Variants in RPRD1A observed in about 807,000 individuals in gnomAD.
RPRD1A encodes the protein regulation of nuclear pre-mRNA domain-containing protein 1A.
In RPRD1A, 9 loss-of-function variants were observed where a neutral mutation model predicts 37.8. The observed-to-expected ratio is 0.24, with a 90% CI of 0.14 to 0.42. RPRD1A has a LOEUF of 0.42. Among genes scored for constraint, RPRD1A ranks in the 10% least tolerant of loss-of-function variants. The pLI is 1.00. For synonymous variants in RPRD1A, 138 were observed against 139.7 expected, an observed-to-expected ratio of 0.99 and a Z score of 0.08; for missense variants, 255 against 371.0, an observed-to-expected ratio of 0.69 and a Z score of 2.57.
At position 35,993,775 on chromosome 18, in the gene RPRD1A, A is replaced by G. The variant is rs576945210; in HGVS notation, c.790-475T>C. 1.3e-4 allele frequency among the ~76,000 whole-genome samples: 20 copies of G among 151,980 alleles called. No homozygotes were observed. In the South Asian group the frequency reaches 4.2e-3, roughly 32 times the overall value. ...CTGCTGCAGCCAAGAATACAGGATC[A>G]CTCTCCCTGCAACTCCCAGTGGGAG... On this transcript the variant is annotated intron_variant, in intron 6 of 6. Transcript: ENST00000399022.
chr18:36,014,536 A>C (rs1910377666), intron 6 of RPRD1A, among the ~76,000 whole-genome samples: 1 of 152,216 alleles, frequency 6.6e-6, no homozygotes, highest in South Asian at 2.1e-4. Flanking sequence ...CAGGAGATCG[A>C]GACCATCCTG....
At chr18:36,015,257 G>A (rs377232235) in intron 6 of RPRD1A, among the ~76,000 whole-genome samples, 2 of 145,990 alleles carry the variant, frequency 1.4e-5, no homozygotes, top group African/African-American at 5.1e-5. Context: ...CTGTCGCCCA[G>A]GCTAGAGTGC....
intron 6 of RPRD1A, among the ~76,000 whole-genome samples, chr18:36,002,615 C>T (rs1209958616): frequency 6.6e-6 from 1 of 152,152 alleles, no homozygotes; most frequent in Non-Finnish European, 1.5e-5. Context: ...TATTACCCAT[C>T]TGTTCTTGCA....
intron 6 of RPRD1A, among the ~76,000 whole-genome samples, chr18:36,024,715 G>A (rs542483774): frequency 6.6e-6 from 1 of 152,254 alleles, no homozygotes; most frequent in East Asian, 1.9e-4. Flanking sequence ...CACAATAGAT[G>A]AAAATTACTT....
chr18:36,067,451 G>T lies in RPRD1A; in HGVS notation c.-47C>A. 2 of 1,568,806 alleles carry T rather than the reference G, an allele frequency of 1.3e-6. No homozygotes were observed. The highest frequency in any genetic ancestry group is 2.4e-5 in the East Asian group (1 of 42,368). Reference sequence around the variant, plus strand: ...CCGTCCCACGCGGTGGGGCCGAGGGGAGGAGAGTTTCGCCGCCCTAGCTGC... The same window carrying T: ...CCGTCCCACGCGGTGGGGCCGAGGGTAGGAGAGTTTCGCCGCCCTAGCTGC... On this transcript the variant is annotated 5_prime_UTR_variant, in exon 1 of 7. Coordinates refer to ENST00000399022, the MANE Select transcript of RPRD1A (RefSeq NM_018170.5).
chr18:36,063,830 T>C (rs2088962817), intron 1 of RPRD1A, among the ~76,000 whole-genome samples: 2 of 152,122 alleles, frequency 1.3e-5, no homozygotes, highest in Admixed American at 6.5e-5. Context: ...CTTGGCAGAG[T>C]AGCCCAGGCT....
chr18:35,997,110 A>G (rs994168054), intron 6 of RPRD1A, among the ~76,000 whole-genome samples: 3 of 152,154 alleles, frequency 2.0e-5, no homozygotes, highest in African/African-American at 7.2e-5. Context: ...CCCAATATGA[A>G]CAAAATTCCC....
rs556858693 is a variant in RPRD1A, at chr18:36,001,654, C to T, written c.790-8354G>A. ...TTTGCTACAGGCCTGCTCAGATCCT[C>T]CATATCTGAGCAGAGTGAAGTTCCA... is the stretch of plus-strand genomic sequence containing the variant. On this transcript the variant is annotated intron_variant, in intron 6 of 6. Transcript: ENST00000399022. Among the ~76,000 whole-genome samples, 5 of 152,232 alleles carry T rather than the reference C, an allele frequency of 3.3e-5. No individual in the cohort carries two copies. In the East Asian group the frequency reaches 9.7e-4, roughly 29 times the overall value.
intron 6 of RPRD1A, among the ~76,000 whole-genome samples, chr18:36,022,500 TTAAG>T (rs1212925525): frequency 1.3e-5 from 2 of 152,166 alleles, no homozygotes; most frequent in African/African-American, 2.4e-5. Flanking sequence ...GCTGACGACT[TTAAG>T]TAGAGGCCAA....
At position 36,027,320 on chromosome 18, in the gene RPRD1A, A is replaced by T. The variant is rs763488934; in HGVS notation, c.487-10T>A. ...TAACGAGATCTAGAGTCTAAAAAGTACACAACTTCAGAACCAAAATAAATT... is the reference window on the plus strand; with the variant it reads ...TAACGAGATCTAGAGTCTAAAAAGTTCACAACTTCAGAACCAAAATAAATT... On this transcript the variant is annotated splice_polypyrimidine_tract_variant and intron_variant, in intron 4 of 6. Transcript: ENST00000399022. 1.9e-6 allele frequency: 3 copies of T among 1,612,838 alleles called. No homozygotes were observed. The Admixed American group carries it at 5.0e-5, about 27-fold the overall frequency.
chr18:36,008,589 A>ATATATATATATATATATATC (rs71381561), intron 6 of RPRD1A, among the ~76,000 whole-genome samples: 15,760 of 90,308 alleles, frequency 0.17, 3,431 homozygotes, highest in East Asian at 0.35. Flanking sequence ...ATATATATAT[A>ATATATATATATATATATATC]TCTTTAAAAA....
intron 6 of RPRD1A, among the ~76,000 whole-genome samples, chr18:36,020,908 T>C (rs903984028): frequency 6.6e-6 from 1 of 151,938 alleles, no homozygotes; most frequent in African/African-American, 2.4e-5. Context: ...AAGATGCATA[T>C]AATGTATTAC....
intron 6 of RPRD1A, among the ~76,000 whole-genome samples, chr18:36,010,932 G>A (rs981322473): frequency 6.6e-6 from 1 of 152,194 alleles, no homozygotes; most frequent in African/African-American, 2.4e-5. Flanking sequence ...CAATCACTGA[G>A]ATACTAAGAT....
At chr18:36,003,524 C>T (rs1909548293) in intron 6 of RPRD1A, among the ~76,000 whole-genome samples, 1 of 152,202 alleles carries the variant, frequency 6.6e-6, no homozygotes, top group African/African-American at 2.4e-5. Flanking sequence ...TACAGACCAA[C>T]GGTCTGACCT....
intron 1 of RPRD1A, among the ~76,000 whole-genome samples, chr18:36,058,813 C>T (rs1913969914): frequency 6.6e-6 from 1 of 152,146 alleles, no homozygotes; most frequent in African/African-American, 2.4e-5. Flanking sequence ...CTATTATTTG[C>T]CTTTTTTCAC....
chr18:36,017,629 G>A (rs191957681), intron 6 of RPRD1A, among the ~76,000 whole-genome samples: 2 of 152,286 alleles, frequency 1.3e-5, no homozygotes, highest in Admixed American at 6.5e-5. Flanking sequence ...TAAGGACTTC[G>A]TCTCAAGAAA....
At chr18:36,048,063 C>CTTT (rs1156933838) in intron 1 of RPRD1A, among the ~76,000 whole-genome samples, 119 of 114,468 alleles carry the variant, frequency 1.0e-3, no homozygotes, top group African/African-American at 2.5e-3. Context: ...GTACCCATTC[C>CTTT]TTTTTTTTTT....
intron 1 of RPRD1A, among the ~76,000 whole-genome samples, chr18:36,037,874 G>T (rs759347505): frequency 6.6e-6 from 1 of 152,154 alleles, no homozygotes; most frequent in Non-Finnish European, 1.5e-5. Context: ...CTAGAGATCT[G>T]TGGAACTTTG....
chr18:36,022,258 G>A (rs140468791), intron 6 of RPRD1A, among the ~76,000 whole-genome samples: 86 of 152,334 alleles, frequency 5.6e-4, no homozygotes, highest in Non-Finnish European at 1.1e-3. Context: ...CCGTAACTTC[G>A]AAGTGCAGAG....
Sources: allele counts gnomAD v4.1 joint callset (sites outside exome capture counted in the v4.1 genomes callset), GRCh38; gene constraint gnomAD v4.1.1; transcripts MANE v1.5; gene names NCBI Gene and HGNC (gene_info 2026-07-23, HGNC 2026-07-21).